KCND2: variants seen among roughly 807,000 people sequenced by gnomAD.
KCND2 encodes potassium voltage-gated channel subfamily D member 2.
A neutral mutation model predicts 54.4 loss-of-function variants in KCND2; 16 were observed. That is an observed-to-expected ratio of 0.29 (90% CI 0.20 to 0.45). The LOEUF (loss-of-function observed/expected upper bound fraction) is 0.45. Among genes scored for constraint, KCND2 ranks in the 20% least tolerant of loss-of-function variants. The probability of loss-of-function intolerance (pLI) is 1.00; values close to 1 mark genes in which losing one functional copy is unlikely to be tolerated. For synonymous variants in KCND2, 317 were observed against 310.7 expected (o/e 1.02, Z -0.21); for missense variants, 486 against 824.2 (o/e 0.59, Z 5.02).
chr7:120,299,983 A>T (rs190902230), intron 1 of KCND2, among the ~76,000 whole-genome samples: 1 of 152,316 alleles, frequency 6.6e-6, no homozygotes, highest in East Asian at 1.9e-4. Flanking sequence ...TTTGGCATAT[A>T]TTATTACTAT....
chr7:120,715,536 A>G (rs1224070569), intron 1 of KCND2, among the ~76,000 whole-genome samples: 3 of 152,080 alleles, frequency 2.0e-5, no homozygotes, highest in East Asian at 3.9e-4. Flanking sequence ...CAGCTAAAAC[A>G]AAATCATTAC....
At chr7:120,728,781 A>G (rs1031972862) in intron 1 of KCND2, among the ~76,000 whole-genome samples, 8 of 152,098 alleles carry the variant, frequency 5.3e-5, no homozygotes. Flanking sequence ...ATAAAATTCT[A>G]AAGAAAAACA....
intron 1 of KCND2, among the ~76,000 whole-genome samples, chr7:120,377,913 T>G (rs1178566905): frequency 6.6e-6 from 1 of 151,948 alleles, no homozygotes; most frequent in Non-Finnish European, 1.5e-5. Flanking sequence ...TGTCCCTTTT[T>G]GTATGCTCAT....
intron 1 of KCND2, among the ~76,000 whole-genome samples, chr7:120,388,890 G>GTATA (rs71155908): frequency 0.015 from 2,167 of 146,196 alleles, 26 homozygotes; most frequent in East Asian, 0.046. Context: ...ATATATACAT[G>GTATA]TATATATATA....
At chr7:120,431,892 C>A (rs957610272) in intron 1 of KCND2, among the ~76,000 whole-genome samples, 1 of 152,008 alleles carries the variant, frequency 6.6e-6, no homozygotes, top group Admixed American at 6.6e-5. Context: ...ATCTTCCATA[C>A]TCTACTGTTT....
At chr7:120,435,579 C>T (rs531507613) in intron 1 of KCND2, among the ~76,000 whole-genome samples, 17 of 152,018 alleles carry the variant, frequency 1.1e-4, no homozygotes, top group African/African-American at 3.4e-4. Flanking sequence ...ATGATTAAAA[C>T]AAACGAATAA....
chr7:120,582,572 G>A (rs928042826), intron 1 of KCND2, among the ~76,000 whole-genome samples: 5 of 151,964 alleles, frequency 3.3e-5, no homozygotes, highest in African/African-American at 1.2e-4. Flanking sequence ...CAAGGCCTTA[G>A]GTCTCTTTGA....
intron 1 of KCND2, among the ~76,000 whole-genome samples, chr7:120,312,519 G>A (rs1364736397): frequency 1.3e-5 from 2 of 152,182 alleles, no homozygotes; most frequent in East Asian, 3.8e-4. Flanking sequence ...CAGCTAGCGA[G>A]TGATTTGTAG....
chr7:120,731,738 G>C (rs980635905), intron 1 of KCND2, among the ~76,000 whole-genome samples: 3 of 152,190 alleles, frequency 2.0e-5, no homozygotes, highest in Non-Finnish European at 4.4e-5. Context: ...AATGACCACG[G>C]TTTGGTTTAT....
At chr7:120,348,202 T>C (rs1800353518) in intron 1 of KCND2, among the ~76,000 whole-genome samples, 1 of 152,148 alleles carries the variant, frequency 6.6e-6, no homozygotes. Flanking sequence ...CCAAATATCA[T>C]AGATAAATCT....
chr7:120,680,172 C>T (rs1328004821), intron 1 of KCND2, among the ~76,000 whole-genome samples: 4 of 152,042 alleles, frequency 2.6e-5, no homozygotes, highest in South Asian at 2.1e-4. Flanking sequence ...AAGGTACAAA[C>T]GGGGAGGACA....
chr7:120,506,169 A>G (rs888338246), intron 1 of KCND2, among the ~76,000 whole-genome samples: 1 of 151,686 alleles, frequency 6.6e-6, no homozygotes, highest in Non-Finnish European at 1.5e-5. Context: ...CATAGAGAGT[A>G]GGTATATTAA....
chr7:120,333,785 C>A (rs1040963118), intron 1 of KCND2, among the ~76,000 whole-genome samples: 4 of 152,092 alleles, frequency 2.6e-5, no homozygotes, highest in Non-Finnish European at 5.9e-5. Context: ...TATCTATTAG[C>A]ATTCATCAAA....
At chr7:120,472,213 T>G (rs938044445) in intron 1 of KCND2, among the ~76,000 whole-genome samples, 1 of 151,930 alleles carries the variant, frequency 6.6e-6, no homozygotes, top group African/African-American at 2.4e-5. Context: ...ATTTCTAAAA[T>G]GGAGATAATA....
intron 1 of KCND2, among the ~76,000 whole-genome samples, chr7:120,535,078 T>A (rs1347756225): frequency 6.6e-6 from 1 of 152,122 alleles, no homozygotes; most frequent in African/African-American, 2.4e-5. Context: ...AGTGGATGAA[T>A]CTCAATAAAA....
chr7:120,404,187 G>C (rs1427208471), intron 1 of KCND2, among the ~76,000 whole-genome samples: 1 of 152,112 alleles, frequency 6.6e-6, no homozygotes, highest in Non-Finnish European at 1.5e-5. Flanking sequence ...GTACTTACCT[G>C]TCAGCCAGGA....
intron 1 of KCND2, among the ~76,000 whole-genome samples, chr7:120,678,777 T>C (rs10230570): frequency 0.18 from 22,484 of 122,350 alleles, 2,408 homozygotes; most frequent in East Asian, 0.47. Context: ...TATATATATA[T>C]ACACATAAAC....
At chr7:120,544,002 A>G (rs1792013794) in intron 1 of KCND2, among the ~76,000 whole-genome samples, 1 of 152,012 alleles carries the variant, frequency 6.6e-6, no homozygotes, top group African/African-American at 2.4e-5. Context: ...GGAAATTACT[A>G]CATGACTCCT....
At chr7:120,489,734 T>A (rs545130872) in intron 1 of KCND2, among the ~76,000 whole-genome samples, 5 of 152,312 alleles carry the variant, frequency 3.3e-5, no homozygotes, top group African/African-American at 1.2e-4. Flanking sequence ...AGAAAACACT[T>A]GACTTCATGC....
Sources: allele counts gnomAD v4.1 joint callset (sites outside exome capture counted in the v4.1 genomes callset), GRCh38; gene constraint gnomAD v4.1.1; transcripts MANE v1.5; gene names NCBI Gene and HGNC (gene_info 2026-07-23, HGNC 2026-07-21).